The following MCF2L variants were observed in gnomAD, a reference collection of about 807,000 sequenced individuals.
The protein encoded by MCF2L is guanine nucleotide exchange factor DBS.
In MCF2L, 97 loss-of-function variants were observed where a neutral mutation model predicts 153.4. The observed-to-expected ratio is 0.63, with a 90% CI of 0.54 to 0.75. MCF2L has a LOEUF of 0.75. Ranked by LOEUF, MCF2L falls within the 30% of genes least tolerant of loss-of-function variation. The pLI is 0.00. For synonymous variants in MCF2L, 659 were observed against 632.2 expected (o/e 1.04, Z -0.64); for missense variants, 1,347 against 1,495.2 (o/e 0.90, Z 1.64).
At chr13:112,973,160 C>T (rs910232727) in intron 1 of MCF2L, among the ~76,000 whole-genome samples, 5 of 152,124 alleles carry the variant, frequency 3.3e-5, no homozygotes, top group Non-Finnish European at 5.9e-5. Flanking sequence ...GCCAGCCCAG[C>T]GGTTTCTGAC....
chr13:113,092,402 C>T (rs1207677125), intron 26 of MCF2L, among the ~76,000 whole-genome samples: 1 of 151,898 alleles, frequency 6.6e-6, no homozygotes, highest in Non-Finnish European at 1.5e-5. Context: ...GCCCGTGGGT[C>T]ATTTCCACCG....
rs372446369 is a variant in MCF2L, at chr13:113,096,594, C to T, written c.3233C>T (p.Ala1078Val). The T allele has an allele frequency of 4.8e-5, 77 of 1,603,492 alleles. No homozygotes were observed. The African/African-American group carries it at 9.5e-4, about 20-fold the overall frequency. Residue 1078 changes from alanine to valine, a missense_variant, in exon 29 of 30, where the codon GCC becomes GTC. Transcript: ENST00000535094. ...PTTGKEGWVP[A>V]SSLSVRLGPS... is the part of the protein sequence containing the mutation. ...ACTGGCAAGGAGGGCTGGGTGCCGG[C>T]CAGCAGCCTGTCCGTCCGGCTCGGC...
intron 3 of MCF2L, chr13:113,044,296 G>A (rs907042056): frequency 2.3e-4 from 74 of 318,024 alleles, no homozygotes; most frequent in Non-Finnish European, 3.8e-4. Flanking sequence ...AACGTTCGGG[G>A]GTCACTGCCT....
intron 3 of MCF2L, among the ~76,000 whole-genome samples, chr13:113,041,753 C>G (rs2086505756): frequency 6.6e-6 from 1 of 152,048 alleles, no homozygotes; most frequent in Non-Finnish European, 1.5e-5. Flanking sequence ...TCCACCTGGG[C>G]CCTGCATAGG....
At chr13:113,082,621 G>T in intron 17 of MCF2L, 79 bp downstream of exon 17, 1 of 1,095,942 alleles carries the variant, frequency 9.1e-7, no homozygotes, top group Non-Finnish European at 1.4e-6. Context: ...GGCTGGAATG[G>T]GGGTGGAGGC....
At chr13:113,033,183 G>T (rs1249783004) in intron 3 of MCF2L, among the ~76,000 whole-genome samples, 8 of 126,556 alleles carry the variant, frequency 6.3e-5, no homozygotes, top group East Asian at 5.2e-4. Flanking sequence ...CCCATGACGT[G>T]AGTGGACCCC....
At chr13:113,021,869 C>T (rs879456187) in intron 2 of MCF2L, among the ~76,000 whole-genome samples, 1 of 152,196 alleles carries the variant, frequency 6.6e-6, no homozygotes, top group Admixed American at 6.5e-5. Flanking sequence ...TGTGGTGGAG[C>T]ACAGAGAGTT....
In MCF2L at chr13:112,943,905, C is replaced by T. The variant is rs3011482; in HGVS notation, c.169+41534C>T. On this transcript the variant is annotated intron_variant, in intron 2 of 29. Coordinates refer to the MCF2L transcript ENST00000375608. The surrounding 1 kb of genome is among the most constrained non-coding windows in gnomAD (Gnocchi z 4.2). ...CTGAGAACTGAGAGGGAGACGCTCT[C>T]GGGCCTCTCAGACCAGCATTGAGGA... 0.34 allele frequency among the ~76,000 whole-genome samples: 51,572 copies of T among 150,482 alleles called. 9,024 individuals are homozygous for T. The highest frequency in any genetic ancestry group is 0.6 in the East Asian group (3,006 of 4,976).
chr13:113,042,532 C>T (rs1263820950), intron 3 of MCF2L: 3 of 152,184 alleles, frequency 2.0e-5, no homozygotes, highest in Admixed American at 1.3e-4. Flanking sequence ...AGTGGAAGCC[C>T]CACACAGGCA....
At chr13:113,055,885 G>A (rs956813225) in intron 4 of MCF2L, among the ~76,000 whole-genome samples, 2 of 152,324 alleles carry the variant, frequency 1.3e-5, no homozygotes, top group African/African-American at 4.8e-5. Flanking sequence ...CCCCTCCAGA[G>A]CACTTCCCTG....
intron 2 of MCF2L, among the ~76,000 whole-genome samples, chr13:112,961,709 A>T (rs2140756147): frequency 6.6e-6 from 1 of 152,278 alleles, no homozygotes; most frequent in Non-Finnish European, 1.5e-5. Context: ...ACTTCCCGGG[A>T]GCTGCAGTCA....
At chr13:113,008,056 A>G (rs1160076367) in intron 1 of MCF2L, among the ~76,000 whole-genome samples, 1 of 151,956 alleles carries the variant, frequency 6.6e-6, no homozygotes, top group Non-Finnish European at 1.5e-5. Context: ...ACCTGGGACT[A>G]CAGGCACCTG....
intron 3 of MCF2L, among the ~76,000 whole-genome samples, chr13:113,029,247 G>A (rs1381403170): frequency 1.3e-5 from 2 of 152,178 alleles, no homozygotes; most frequent in East Asian, 1.9e-4. Context: ...CGCAGCAGCC[G>A]CGGCAGCTCC....
chr13:112,899,319 G>T (rs752559523), intron 1 of MCF2L, among the ~76,000 whole-genome samples: 1 of 152,206 alleles, frequency 6.6e-6, no homozygotes, highest in Non-Finnish European at 1.5e-5. Flanking sequence ...CACTGCTGAC[G>T]GCTTCTCAAG....
chr13:113,060,177 C>A (rs973529214), intron 4 of MCF2L, among the ~76,000 whole-genome samples: 1 of 152,182 alleles, frequency 6.6e-6, no homozygotes, highest in Admixed American at 6.5e-5. Flanking sequence ...GCTCTCCACG[C>A]GGTGCTGGGA....
chr13:113,024,547 C>T, intron 2 of MCF2L, 97 bp from the exon 3 acceptor site: 1 of 713,284 alleles, frequency 1.4e-6, no homozygotes, highest in South Asian at 1.7e-5. Flanking sequence ...TCAGTTTTAA[C>T]TGAAATACTG....
At chr13:112,982,121 AG>A (rs1176792592) in intron 1 of MCF2L, among the ~76,000 whole-genome samples, 2 of 152,098 alleles carry the variant, frequency 1.3e-5, no homozygotes, top group African/African-American at 4.8e-5. Context: ...GGGGCCGACG[AG>A]GGGGACAAAG....
rs958987404 is a variant in MCF2L, at chr13:113,045,299, C to T, written c.307C>T (p.Leu103=). 17 of 1,613,940 alleles carry T rather than the reference C, an allele frequency of 1.1e-5. No homozygotes were observed. The highest frequency in any genetic ancestry group is 2.2e-5 in the South Asian group (2 of 91,094). Reference sequence around the variant, plus strand: ...GCAGGACGCTGGCATCGGATTCATCCTGGTGATAGACCGGCGACGGGACAA... The same window carrying T: ...GCAGGACGCTGGCATCGGATTCATCTTGGTGATAGACCGGCGACGGGACAA... The part of the protein sequence containing the change: ...SLQDAGIGFI[L]VIDRRRDKWT... Residue 103 remains leucine, a synonymous_variant, in exon 4 of 30, where the codon CTG becomes TTG. Coordinates refer to ENST00000535094, the MANE Select transcript of MCF2L (RefSeq NM_001112732.3). This position sits in a 1 kb window ranked among gnomAD's most constrained non-coding sequence, Gnocchi z 4.2.
At position 113,096,917 on chromosome 13, in the gene MCF2L, G is replaced by C; in HGVS notation, c.*58G>C. The C allele has an allele frequency of 8.2e-7, 1 of 1,216,282 alleles. No homozygotes were observed. The highest frequency in any genetic ancestry group is 1.1e-6 in the Non-Finnish European group (1 of 950,502). 75.3% of individuals were successfully genotyped at this position (1,216,282 alleles called of 1,614,324 possible). On this transcript the variant is annotated 3_prime_UTR_variant, in exon 30 of 30. Coordinates refer to ENST00000535094, the MANE Select transcript of MCF2L (RefSeq NM_001112732.3). The stretch of plus-strand genomic sequence containing the variant: ...CTGGGGCTGCGGTGGCGTGGGGAGG[G>C]CGCGGCCCCCGGACGCCCCGAGGAA...
Sources: allele counts gnomAD v4.1 joint callset (sites outside exome capture counted in the v4.1 genomes callset), GRCh38; gene constraint gnomAD v4.1.1; non-coding constraint Gnocchi (gnomAD v3.1); transcripts MANE v1.5; gene names NCBI Gene and HGNC (gene_info 2026-07-23, HGNC 2026-07-21).